Variants in KCNMB2 observed in about 807,000 individuals in gnomAD.
KCNMB2 encodes the protein potassium calcium-activated channel subfamily M regulatory beta subunit 2, also known as calcium-activated potassium channel subunit beta-2.
In KCNMB2, 9 loss-of-function variants were observed where a neutral mutation model predicts 24.5. That is an observed-to-expected ratio of 0.37 (90% CI 0.22 to 0.64). The LOEUF (loss-of-function observed/expected upper bound fraction) is 0.64, where lower values mean the gene tolerates loss of function less well. KCNMB2 is among the 30% of genes least tolerant of loss of function. The probability of loss-of-function intolerance (pLI) is 0.63; values close to 1 mark genes in which losing one functional copy is unlikely to be tolerated. For missense variants in KCNMB2, 226 were observed against 284.3 expected, an observed-to-expected ratio of 0.79 and a Z score of 1.47; for synonymous variants, 109 against 104.4, an observed-to-expected ratio of 1.04 and a Z score of -0.27.
chr3:178,789,076 C>A (rs1194530125), intron 1 of KCNMB2, among the ~76,000 whole-genome samples: 2 of 152,166 alleles, frequency 1.3e-5, no homozygotes, highest in African/African-American at 2.4e-5. Flanking sequence ...TACCATTGCT[C>A]AGTGACAGAA....
intron 4 of KCNMB2, among the ~76,000 whole-genome samples, chr3:178,833,697 G>A (rs972126851): frequency 3.3e-5 from 5 of 152,152 alleles, no homozygotes; most frequent in Non-Finnish European, 7.3e-5. Flanking sequence ...GGAGGCGAAA[G>A]GATATTAGTC....
rs5854811 is a variant in KCNMB2, at chr3:178,568,854, TGATA to T, written c.-68+32187_-68+32190del. ...GATGATAGATAGATAGATAGATAGATGATAGATAGATAGATAGATAGATAGATAG... is the reference window on the plus strand; with the variant it reads ...GATGATAGATAGATAGATAGATAGATGATAGATAGATAGATAGATAGATAG... On this transcript the variant is annotated intron_variant, in intron 1 of 4. Coordinates refer to ENST00000452583, the MANE Select transcript of KCNMB2 (RefSeq NM_181361.3). Among the ~76,000 whole-genome samples, 628 of 80,710 alleles carry T rather than the reference TGATA, an allele frequency of 7.8e-3. 8 individuals carry two copies. The highest frequency in any genetic ancestry group is 0.026 in the South Asian group (64 of 2,460). 52.9% of individuals were successfully genotyped at this position (80,710 alleles called of 152,430 possible).
intron 1 of KCNMB2, among the ~76,000 whole-genome samples, chr3:178,601,203 G>C (rs572889514): frequency 4.0e-4 from 61 of 151,938 alleles, no homozygotes; most frequent in South Asian, 3.7e-3. Flanking sequence ...AGGGGGTTGG[G>C]GGGGAAGGGG....
chr3:178,754,121 C>T (rs1240275255), intron 1 of KCNMB2, among the ~76,000 whole-genome samples: 1 of 141,992 alleles, frequency 7.0e-6, no homozygotes, highest in Non-Finnish European at 1.5e-5. Flanking sequence ...ACAGGATGCC[C>T]CCTTTTCATG....
chr3:178,653,008 T>G (rs1186062576), intron 1 of KCNMB2, among the ~76,000 whole-genome samples: 1 of 152,084 alleles, frequency 6.6e-6, no homozygotes, highest in African/African-American at 2.4e-5. Flanking sequence ...ACCCTAAAAT[T>G]TTTGCTGGTA....
intron 1 of KCNMB2, among the ~76,000 whole-genome samples, chr3:178,615,385 G>T (rs954501568): frequency 2.0e-5 from 3 of 152,204 alleles, no homozygotes; most frequent in African/African-American, 7.2e-5. Context: ...GGCCCCAAGT[G>T]GGTCCAGAGA....
At chr3:178,656,173 T>C (rs1720335679) in intron 1 of KCNMB2, among the ~76,000 whole-genome samples, 1 of 152,168 alleles carries the variant, frequency 6.6e-6, no homozygotes. Flanking sequence ...TTAATGTAAA[T>C]GAAAATGTAT....
chr3:178,842,856 G>A lies in KCNMB2; in HGVS notation c.627G>A (p.Gly209=). Residue 209 remains glycine, a synonymous_variant, in exon 5 of 5, where the codon GGG becomes GGA. Transcript: ENST00000452583. ...SLFWPTCMMA[G]GVAIVAMVKL... The stretch of plus-strand genomic sequence containing the variant: ...TCTGGCCAACCTGTATGATGGCTGG[G>A]GGTGTGGCAATTGTTGCCATGGTGA... 6.2e-7 allele frequency: 1 copy of A among 1,613,928 alleles called. No individual in the cohort carries two copies. The highest frequency in any genetic ancestry group is 1.1e-5 in the South Asian group (1 of 91,080).
At chr3:178,768,042 A>G (rs1166661530) in intron 1 of KCNMB2, among the ~76,000 whole-genome samples, 2 of 151,560 alleles carry the variant, frequency 1.3e-5, no homozygotes, top group African/African-American at 4.9e-5. Flanking sequence ...TCCAGGAAAG[A>G]TATCTTCCCC....
At chr3:178,648,540 T>C (rs1719999006) in intron 1 of KCNMB2, among the ~76,000 whole-genome samples, 1 of 152,126 alleles carries the variant, frequency 6.6e-6, no homozygotes, top group African/African-American at 2.4e-5. Flanking sequence ...AGAGTCTGTC[T>C]CTTAAAAACA....
intron 1 of KCNMB2, among the ~76,000 whole-genome samples, chr3:178,767,005 G>T (rs1712148968): frequency 6.6e-6 from 1 of 152,194 alleles, no homozygotes; most frequent in Admixed American, 6.5e-5. Flanking sequence ...ATTTGGAAAT[G>T]TCTGGACATA....
intron 1 of KCNMB2, among the ~76,000 whole-genome samples, chr3:178,728,762 T>C (rs568967041): frequency 5.3e-4 from 81 of 152,288 alleles, no homozygotes; most frequent in Non-Finnish European, 9.7e-4. Context: ...GGGGATACAC[T>C]CTACCTACAA....
chr3:178,585,931 A>T (rs911640014), intron 1 of KCNMB2, among the ~76,000 whole-genome samples: 6 of 152,210 alleles, frequency 3.9e-5, no homozygotes, highest in Non-Finnish European at 7.4e-5. Flanking sequence ...ATGTAAGTTT[A>T]TTAGTTAGTG....
chr3:178,787,039 G>A (rs1001326364), intron 1 of KCNMB2, among the ~76,000 whole-genome samples: 1 of 152,048 alleles, frequency 6.6e-6, no homozygotes, highest in Non-Finnish European at 1.5e-5. Context: ...AGGAGACCAC[G>A]AGGCAAAACG....
chr3:178,689,042 G>C (rs2108327158), intron 1 of KCNMB2, among the ~76,000 whole-genome samples: 1 of 152,230 alleles, frequency 6.6e-6, no homozygotes, highest in South Asian at 2.1e-4. Context: ...AGTCAAATCA[G>C]TCTTTAGAGA....
chr3:178,809,863 C>G (rs4493412), intron 2 of KCNMB2, among the ~76,000 whole-genome samples: 1 of 151,916 alleles, frequency 6.6e-6, no homozygotes, highest in African/African-American at 2.4e-5. Context: ...ATATTGACTA[C>G]GAAGAAATCA....
At chr3:178,567,092 A>G (rs1716554112) in intron 1 of KCNMB2, among the ~76,000 whole-genome samples, 1 of 152,206 alleles carries the variant, frequency 6.6e-6, no homozygotes, top group Non-Finnish European at 1.5e-5. Context: ...TTGAAGGTAT[A>G]CTTTGCATAT....
At chr3:178,728,468 C>T (rs968555218) in intron 1 of KCNMB2, among the ~76,000 whole-genome samples, 3 of 152,094 alleles carry the variant, frequency 2.0e-5, no homozygotes, top group African/African-American at 7.2e-5. Context: ...CAATGCTGCC[C>T]GTGACACAAA....
intron 1 of KCNMB2, among the ~76,000 whole-genome samples, chr3:178,649,013 C>A (rs1720015264): frequency 6.6e-6 from 1 of 152,190 alleles, no homozygotes; most frequent in African/African-American, 2.4e-5. Flanking sequence ...GTAGCTCATT[C>A]TCTAAATTGC....
Sources: allele counts gnomAD v4.1 joint callset (sites outside exome capture counted in the v4.1 genomes callset), GRCh38; gene constraint gnomAD v4.1.1; transcripts MANE v1.5; gene names NCBI Gene and HGNC (gene_info 2026-07-23, HGNC 2026-07-21).